Variants in ADHFE1 observed in about 807,000 individuals in gnomAD.
ADHFE1 encodes hydroxyacid-oxoacid transhydrogenase, mitochondrial.
Under a neutral mutation model 54.8 loss-of-function variants are expected in ADHFE1, and 37 were observed. That is an observed-to-expected ratio of 0.68 (90% confidence interval 0.52 to 0.89). The LOEUF is 0.89. ADHFE1 is among the 40% of genes least tolerant of loss of function. The pLI is 0.00. For missense variants in ADHFE1, 601 were observed against 591.2 expected (o/e 1.02, Z -0.17); for synonymous variants, 203 against 229.3 (o/e 0.89, Z 1.04).
chr8:66,439,644 T>C lies in ADHFE1; in HGVS notation c.60-518T>C, dbSNP rs901009265. Reference sequence around the variant, plus strand: ...CAGAGAAAGATGGGGACCAGGGAGGTCTTTGGGTCCAGGAAGTTCTCCTGG... The same window carrying C: ...CAGAGAAAGATGGGGACCAGGGAGGCCTTTGGGTCCAGGAAGTTCTCCTGG... On this transcript the variant is annotated intron_variant, in intron 1 of 13. Transcript: ENST00000396623. The surrounding 1 kb of genome is among the most constrained non-coding windows in gnomAD (Gnocchi z 4.4). The C allele has an allele frequency of 1.0e-6, 1 of 984,610 alleles. No homozygotes were observed. Among genetic ancestry groups the C allele is most frequent in the African/African-American group, 1.8e-5 (1 of 56,784 alleles). The allele number at this position is 984,610 out of a possible 1,614,324, so 61.0% of individuals were successfully genotyped here. A position where few individuals can be genotyped will look rare whatever the true frequency, so the allele number is the denominator to read the frequency against.
At position 66,452,029 on chromosome 8, in the gene ADHFE1, G is replaced by A; in HGVS notation, c.811G>A (p.Ala271Thr). The A allele has an allele frequency of 6.2e-7, 1 of 1,614,206 alleles. No homozygotes were observed. Among genetic ancestry groups the A allele is most frequent in the Non-Finnish European group, 8.5e-7 (1 of 1,180,046 alleles). ...PCPSNPITRP[A>T]YQGSNPISDI... is the part of the protein sequence containing the mutation. The stretch of plus-strand genomic sequence containing the variant: ...CCCTTCAAATCCCATCACACGGCCT[G>A]CGTACCAGGGCAGCAACCCAATCAG... Residue 271 changes from alanine to threonine, a missense_variant, in exon 9 of 14, where the codon GCG (alanine) becomes ACG (threonine). Physicochemically the swap from Ala to Thr is moderately conservative, Grantham distance 58. Coordinates refer to ENST00000396623, the MANE Select transcript of ADHFE1 (RefSeq NM_144650.3).
intron 1 of ADHFE1, chr8:66,432,853 G>T (rs1025511224): frequency 4.9e-6 from 6 of 1,216,726 alleles, no homozygotes; most frequent in Non-Finnish European, 6.1e-6. Context: ...ATCGTAGCAG[G>T]CAGTGGAGAG....
At position 66,454,040 on chromosome 8, in the gene ADHFE1, G is replaced by A. The variant is rs750306603; in HGVS notation, c.888-19G>A. 1 of 1,613,360 alleles carries A rather than the reference G, an allele frequency of 6.2e-7. No homozygotes were observed. Among genetic ancestry groups the A allele is most frequent in the Non-Finnish European group, 8.5e-7 (1 of 1,179,664 alleles). The stretch of plus-strand genomic sequence containing the variant: ...GCCAATGTTGATGTGTTATTGTTAG[G>A]TATTTATATCATTCACAGGGCTGTC... On this transcript the variant is annotated intron_variant, in intron 9 of 13. Coordinates refer to ENST00000396623, the MANE Select transcript of ADHFE1 (RefSeq NM_144650.3).
At chr8:66,444,087 T>C (rs1455655995) in intron 3 of ADHFE1, among the ~76,000 whole-genome samples, 1 of 151,970 alleles carries the variant, frequency 6.6e-6, no homozygotes, top group Non-Finnish European at 1.5e-5. Flanking sequence ...ACAGGTGGAG[T>C]TGGAAGAAGG....
intron 12 of ADHFE1, among the ~76,000 whole-genome samples, chr8:66,457,463 G>T (rs903385504): frequency 6.7e-6 from 1 of 149,794 alleles, no homozygotes; most frequent in African/African-American, 2.5e-5. Flanking sequence ...GGGAGACAGA[G>T]TGAGACTCTC....
intron 12 of ADHFE1, among the ~76,000 whole-genome samples, chr8:66,457,718 C>A (rs1422990045): frequency 1.3e-5 from 2 of 152,012 alleles, no homozygotes; most frequent in African/African-American, 4.8e-5. Flanking sequence ...TTGACCAAAG[C>A]CCTATCTAGC....
intron 10 of ADHFE1, among the ~76,000 whole-genome samples, chr8:66,454,913 TCA>T (rs776095783): frequency 1.2e-4 from 19 of 152,020 alleles, no homozygotes; most frequent in Non-Finnish European, 2.5e-4. Context: ...AGACGGGGTT[TCA>T]CCATGTTGGC....
chr8:66,465,458 C>T (rs1392184365), intron 13 of ADHFE1, among the ~76,000 whole-genome samples: 1 of 152,094 alleles, frequency 6.6e-6, no homozygotes, highest in Non-Finnish European at 1.5e-5. Flanking sequence ...TTGCATTTCC[C>T]AAATGACTAA....
intron 1 of ADHFE1, among the ~76,000 whole-genome samples, chr8:66,437,755 T>C (rs960888407): frequency 6.6e-6 from 1 of 152,102 alleles, no homozygotes; most frequent in African/African-American, 2.4e-5. Flanking sequence ...ATCACTAAAT[T>C]CACAGTCCAC....
At position 66,468,423 on chromosome 8, in the gene ADHFE1, C is replaced by A; in HGVS notation, c.*71C>A. On this transcript the variant is annotated 3_prime_UTR_variant, in exon 14 of 14. Transcript: ENST00000396623. ...AGAGCAAGAGCTGATCTAGCTAGGGCTTTGTCTTTTCATCTTTGCGCATAA... is the reference window on the plus strand; with the variant it reads ...AGAGCAAGAGCTGATCTAGCTAGGGATTTGTCTTTTCATCTTTGCGCATAA... 2 of 1,316,524 alleles carry A rather than the reference C, an allele frequency of 1.5e-6. No individual in the cohort carries two copies. Among genetic ancestry groups the A allele is most frequent in the Non-Finnish European group, 2.1e-6 (2 of 951,348 alleles). The allele number at this position is 1,316,524 out of a possible 1,614,324, so 81.6% of individuals were successfully genotyped here. A position where few individuals can be genotyped will look rare whatever the true frequency, so the allele number is the denominator to read the frequency against.
At chr8:66,440,103 A>G (rs1805670548) in intron 1 of ADHFE1, 59 bp from the exon 2 acceptor site, 1 of 1,546,248 alleles carries the variant, frequency 6.5e-7, no homozygotes. Context: ...AAGGCTTTTC[A>G]TTTTTTGGTC....
At chr8:66,466,586 G>A (rs1189020744) in intron 13 of ADHFE1, among the ~76,000 whole-genome samples, 1 of 147,300 alleles carries the variant, frequency 6.8e-6, no homozygotes, top group Non-Finnish European at 1.5e-5. Flanking sequence ...GCATTGTACG[G>A]TATACTAAAA....
chr8:66,437,481 C>G (rs1463365360), intron 1 of ADHFE1, among the ~76,000 whole-genome samples: 4 of 152,110 alleles, frequency 2.6e-5, no homozygotes, highest in Non-Finnish European at 5.9e-5. Flanking sequence ...TCTGAAGGAG[C>G]CCAAAGAAGC....
chr8:66,468,497 T>G lies in ADHFE1; in HGVS notation c.*145T>G. ...GGATATACATTTATCTTGCAGGAAA[T>G]TCCCCAAAGCTCAGAGTCCAGTTCC... On this transcript the variant is annotated 3_prime_UTR_variant, in exon 14 of 14. Coordinates refer to ENST00000396623, the MANE Select transcript of ADHFE1 (RefSeq NM_144650.3). 1 of 567,056 alleles carries G rather than the reference T, an allele frequency of 1.8e-6. No homozygotes were observed. The highest frequency in any genetic ancestry group is 2.9e-6 in the Non-Finnish European group (1 of 348,598). The allele number at this position is 567,056 out of a possible 1,614,324, so 35.1% of individuals were successfully genotyped here. A position where few individuals can be genotyped will look rare whatever the true frequency, so the allele number is the denominator to read the frequency against.
At chr8:66,467,390 A>G (rs935213467) in intron 13 of ADHFE1, among the ~76,000 whole-genome samples, 32 of 152,176 alleles carry the variant, frequency 2.1e-4, no homozygotes, top group African/African-American at 6.5e-4. Flanking sequence ...AGACTCCAGT[A>G]TCCCCCTCCC....
chr8:66,439,703 T>C lies in ADHFE1; in HGVS notation c.60-459T>C. On this transcript the variant is annotated intron_variant, in intron 1 of 13. Transcript: ENST00000396623. The surrounding 1 kb of genome is among the most constrained non-coding windows in gnomAD (Gnocchi z 4.4). ...GTCTAGAGCCTGCCTGAAGAAAAAT[T>C]AGACATCTTGAAGACACTGGGAAAT... 1 of 988,268 alleles carries C rather than the reference T, an allele frequency of 1.0e-6. No individual in the cohort carries two copies. The highest frequency in any genetic ancestry group is 1.2e-6 in the Non-Finnish European group (1 of 831,980). The allele number at this position is 988,268 out of a possible 1,614,324, so 61.2% of individuals were successfully genotyped here.
chr8:66,458,595 A>C (rs1289931580), intron 12 of ADHFE1, among the ~76,000 whole-genome samples: 2 of 152,210 alleles, frequency 1.3e-5, no homozygotes, highest in African/African-American at 4.8e-5. Context: ...TAGAGAACTT[A>C]AAGTTAACAC....
chr8:66,466,157 C>T (rs1251584049), intron 13 of ADHFE1, among the ~76,000 whole-genome samples: 1 of 151,408 alleles, frequency 6.6e-6, no homozygotes, highest in African/African-American at 2.4e-5. Context: ...CAATCTCCAC[C>T]TCCCAGGCTC....
intron 1 of ADHFE1, among the ~76,000 whole-genome samples, chr8:66,435,601 A>ATTTTTT (rs533571994): frequency 6.4e-5 from 5 of 78,258 alleles, no homozygotes; most frequent in East Asian, 4.4e-4. Context: ...TCATTTCAAG[A>ATTTTTT]TTTTTTTTTT....
Sources: allele counts gnomAD v4.1 joint callset (sites outside exome capture counted in the v4.1 genomes callset), GRCh38; gene constraint gnomAD v4.1.1; non-coding constraint Gnocchi (gnomAD v3.1); transcripts MANE v1.5; gene names NCBI Gene and HGNC (gene_info 2026-07-23, HGNC 2026-07-21).